ZSCAN25: variants seen among roughly 807,000 people sequenced by gnomAD.
The protein encoded by ZSCAN25 is zinc finger and SCAN domain-containing protein 25.
ZSCAN25 carries 27 observed loss-of-function variants against 38.7 expected under a neutral mutation model. That is an observed-to-expected ratio of 0.70 (90% confidence interval 0.51 to 0.96). The LOEUF is 0.96. Among genes scored for constraint, ZSCAN25 ranks in the 40% least tolerant of loss-of-function variants. The probability of loss-of-function intolerance (pLI) is 0.00; values close to 1 mark genes in which losing one functional copy is unlikely to be tolerated. For synonymous variants in ZSCAN25, 273 were observed against 277.7 expected (o/e 0.98, Z 0.17); for missense variants, 637 against 705.9 (o/e 0.90, Z 1.11).
the ZSCAN25 span, among the ~76,000 whole-genome samples, chr7:99,733,909 CAT>C: frequency 8.9e-4 from 135 of 152,176 alleles, no homozygotes; most frequent in Non-Finnish European, 1.5e-3. Flanking sequence ...TTTAAAAAGA[CAT>C]ATGCAGTCTT....
At chr7:99,705,481 C>G in the ZSCAN25 span, 2 of 1,612,546 alleles carry the variant, frequency 1.2e-6, no homozygotes, top group South Asian at 1.1e-5. Context: ...AAAGAGCAAA[C>G]CAGAAGTCCT....
chr7:99,732,380 C>T, the ZSCAN25 span, among the ~76,000 whole-genome samples: 2 of 152,038 alleles, frequency 1.3e-5, no homozygotes, highest in East Asian at 3.9e-4. Context: ...TCTAAATTAC[C>T]CACCCTGAGA....
chr7:99,641,757 C>A, the ZSCAN25 span, among the ~76,000 whole-genome samples: 1 of 152,154 alleles, frequency 6.6e-6, no homozygotes, highest in African/African-American at 2.4e-5. Context: ...TCAGCAAATC[C>A]TGTTGGCCCT....
chr7:99,646,837 C>CAT, the ZSCAN25 span, among the ~76,000 whole-genome samples: 29 of 148,710 alleles, frequency 2.0e-4, no homozygotes, highest in South Asian at 4.2e-3. Context: ...CACACACACA[C>CAT]ATGCATGCTC....
chr7:99,694,946 AC>A, the ZSCAN25 span, among the ~76,000 whole-genome samples: 1 of 151,870 alleles, frequency 6.6e-6, no homozygotes, highest in African/African-American at 2.4e-5. Flanking sequence ...TCAAATTATC[AC>A]CTTTCTAGTG....
chr7:99,688,459 C>T, the ZSCAN25 span, among the ~76,000 whole-genome samples: 3 of 152,174 alleles, frequency 2.0e-5, no homozygotes, highest in East Asian at 5.8e-4. Flanking sequence ...ATCAATTCAA[C>T]AAGAAGAGCT....
chr7:99,727,219 C>T, the ZSCAN25 span, among the ~76,000 whole-genome samples: 1 of 152,172 alleles, frequency 6.6e-6, no homozygotes, highest in African/African-American at 2.4e-5. Flanking sequence ...GGACTGGGAC[C>T]GTGCTCTGTA....
At chr7:99,713,693 A>G in the ZSCAN25 span, among the ~76,000 whole-genome samples, 6 of 152,190 alleles carry the variant, frequency 3.9e-5, no homozygotes, top group African/African-American at 1.4e-4. Flanking sequence ...AGGAATATCC[A>G]TCTAAATCCT....
At chr7:99,714,503 CT>C in the ZSCAN25 span, 1 of 1,605,058 alleles carries the variant, frequency 6.2e-7, no homozygotes, top group Admixed American at 1.7e-5. Flanking sequence ...ATGTATATTT[CT>C]AAAAAATTAT....
At chr7:99,683,234 G>C in the ZSCAN25 span, among the ~76,000 whole-genome samples, 32 of 152,122 alleles carry the variant, frequency 2.1e-4, no homozygotes, top group African/African-American at 7.2e-5. Flanking sequence ...AGTGGAAAAT[G>C]GTATTAATAA....
At position 99,629,112 on chromosome 7, in the gene ZSCAN25, C is replaced by A. The variant is rs910717072; in HGVS notation, c.806-79C>A. 4 of 1,501,430 alleles carry A rather than the reference C, an allele frequency of 2.7e-6. No individual in the cohort carries two copies. The African/African-American group carries it at 4.2e-5, about 16-fold the overall frequency. The allele number at this position is 1,501,430 out of a possible 1,614,324, so 93.0% of individuals were successfully genotyped here. A position where few individuals can be genotyped will look rare whatever the true frequency, so the allele number is the denominator to read the frequency against. On this transcript the variant is annotated intron_variant, in intron 7 of 7. Transcript: ENST00000394152. The surrounding 1 kb of genome is among the most constrained non-coding windows in gnomAD (Gnocchi z 5.6). Reference sequence around the variant, plus strand: ...AAAAGAGAAGGAACCATGAATGGGACCCCTGTGAAGCAGAGTTCTAACATG... The same window carrying A: ...AAAAGAGAAGGAACCATGAATGGGAACCCTGTGAAGCAGAGTTCTAACATG...
chr7:99,717,304 C>T, the ZSCAN25 span: 1 of 1,613,666 alleles, frequency 6.2e-7, no homozygotes, highest in Non-Finnish European at 8.5e-7. Context: ...GTTAAATGTG[C>T]AGACATAAGT....
At chr7:99,699,379 G>A in the ZSCAN25 span, among the ~76,000 whole-genome samples, 1 of 152,184 alleles carries the variant, frequency 6.6e-6, no homozygotes, top group Non-Finnish European at 1.5e-5. Flanking sequence ...ACATGGCACA[G>A]GAAAGAGGGA....
chr7:99,736,211 T>C, the ZSCAN25 span, among the ~76,000 whole-genome samples: 1 of 151,810 alleles, frequency 6.6e-6, no homozygotes, highest in Admixed American at 6.6e-5. Context: ...CTGGAAACAG[T>C]AGGGGAGAAA....
chr7:99,685,187 T>C, the ZSCAN25 span: 2 of 1,613,264 alleles, frequency 1.2e-6, no homozygotes, highest in East Asian at 2.2e-5. Context: ...TTTAGAACAA[T>C]GGGTTTTTCT....
intron 4 of ZSCAN25, 69 bp downstream of exon 4, chr7:99,620,062 T>G: frequency 1.3e-6 from 2 of 1,493,014 alleles, no homozygotes; most frequent in Non-Finnish European, 1.8e-6. Context: ...ATCCAAAGAT[T>G]TGAGGAAGCA....
the ZSCAN25 span, chr7:99,647,819 C>T: frequency 2.0e-6 from 2 of 985,280 alleles, no homozygotes; most frequent in African/African-American, 3.5e-5. Context: ...ATAGATTTCT[C>T]TTTAGTGTGC....
chr7:99,674,252 A>AT, the ZSCAN25 span: 1 of 296,360 alleles, frequency 3.4e-6, no homozygotes, highest in South Asian at 1.3e-4. Flanking sequence ...GCTAACAATA[A>AT]TTATCTCAAA....
the ZSCAN25 span, among the ~76,000 whole-genome samples, chr7:99,640,947 G>A: frequency 5.3e-5 from 8 of 152,150 alleles, no homozygotes; most frequent in South Asian, 1.0e-3. Context: ...TACACTAGCC[G>A]TAGCTCTGTT....
Sources: allele counts gnomAD v4.1 joint callset (sites outside exome capture counted in the v4.1 genomes callset), GRCh38; gene constraint gnomAD v4.1.1; non-coding constraint Gnocchi (gnomAD v3.1); transcripts MANE v1.5; gene names NCBI Gene and HGNC (gene_info 2026-07-23, HGNC 2026-07-21).